TRPM5: variants seen among roughly 807,000 people sequenced by gnomAD.
The protein encoded by TRPM5 is MLSN1 and TRP-related.
Under a neutral mutation model 124.9 loss-of-function variants are expected in TRPM5, and 121 were observed. The observed-to-expected ratio is 0.97, with a 90% confidence interval of 0.84 to 1.13. The LOEUF is 1.13. TRPM5 is among the 50% of genes most tolerant of loss of function. The pLI is 0.00. For missense variants in TRPM5, 1,643 were observed against 1,589.1 expected, an observed-to-expected ratio of 1.03 and a Z score of -0.58; for synonymous variants, 781 against 700.5, an observed-to-expected ratio of 1.11 and a Z score of -1.81.
At chr11:2,441,279 C>T in the TRPM5 span, among the ~76,000 whole-genome samples, 5 of 152,164 alleles carry the variant, frequency 3.3e-5, no homozygotes, top group South Asian at 4.1e-4. This position sits in a 1 kb window ranked among gnomAD's most constrained non-coding sequence, Gnocchi z 7.2. Context: ...TACAACCCTG[C>T]GGTCCTGCTC....
At chr11:2,418,570 G>A (rs1376370260) in exon 5 of TRPM5, 2 of 1,611,760 alleles carry the variant, frequency 1.2e-6, no homozygotes, top group South Asian at 1.1e-5. Context: ...GCAGAGGACA[G>A]GGATCTCGAT....
chr11:2,434,371 TG>T, the TRPM5 span, among the ~76,000 whole-genome samples: 1 of 150,602 alleles, frequency 6.6e-6, no homozygotes, highest in African/African-American at 2.5e-5. Context: ...ACACCGTGTG[TG>T]TCTGTGTGGA....
At position 2,407,114 on chromosome 11, in the gene TRPM5, C is replaced by T; in HGVS notation, c.3118+5G>A. On this transcript the variant is annotated splice_donor_5th_base_variant and intron_variant, in intron 20 of 23. Transcript: ENST00000155858. The stretch of plus-strand genomic sequence containing the variant: ...CCAGGTGCTCCCGCTTGTGCTCGGC[C>T]TCACCCAGGTGCTCCCGCTTGTGCT... 1 of 1,580,258 alleles carries T rather than the reference C, an allele frequency of 6.3e-7. No homozygotes were observed. Among genetic ancestry groups the T allele is most frequent in the Non-Finnish European group, 8.6e-7 (1 of 1,165,658 alleles).
chr11:2,404,862 C>A, exon 24 of TRPM5: 2 of 1,302,680 alleles, frequency 1.5e-6, no homozygotes, highest in South Asian at 1.3e-5. Flanking sequence ...CGCTGGAGGT[C>A]GGCAAAGGTC....
chr11:2,410,258 CCG>C (rs1333432819), intron 18 of TRPM5, among the ~76,000 whole-genome samples: 2 of 152,224 alleles, frequency 1.3e-5, no homozygotes, highest in Non-Finnish European at 1.5e-5. Flanking sequence ...GGCGTCGCCC[CCG>C]CCTGTCCCCG....
chr11:2,432,544 C>A, the TRPM5 span, among the ~76,000 whole-genome samples: 1 of 152,226 alleles, frequency 6.6e-6, no homozygotes, highest in Non-Finnish European at 1.5e-5. Flanking sequence ...AGAGCGTGAG[C>A]CGTCCCTGAC....
the TRPM5 span, among the ~76,000 whole-genome samples, chr11:2,434,662 CTG>C: frequency 2.0e-5 from 3 of 150,588 alleles, no homozygotes; most frequent in Admixed American, 1.3e-4. Flanking sequence ...TGTGTGGAAA[CTG>C]TGAGTGCATG....
chr11:2,437,506 G>C, the TRPM5 span, among the ~76,000 whole-genome samples: 3 of 152,194 alleles, frequency 2.0e-5, no homozygotes, highest in Non-Finnish European at 2.9e-5. This position sits in a 1 kb window ranked among gnomAD's most constrained non-coding sequence, Gnocchi z 5.6. Flanking sequence ...GTCAATGCCG[G>C]TGCTGACTGT....
At chr11:2,406,612 G>A (rs767251623) in intron 21 of TRPM5, 49 bp downstream of exon 26, 77 of 1,547,468 alleles carry the variant, frequency 5.0e-5, no homozygotes, top group Admixed American at 5.9e-5. Context: ...GCACATCCCC[G>A]CTTAAAGACA....
At chr11:2,440,504 G>A in the TRPM5 span, among the ~76,000 whole-genome samples, 1 of 152,046 alleles carries the variant, frequency 6.6e-6, no homozygotes, top group South Asian at 2.1e-4. This position sits in a 1 kb window ranked among gnomAD's most constrained non-coding sequence, Gnocchi z 5.2. Flanking sequence ...TCTGCATTGG[G>A]TGCCTCCTGC....
upstream of TRPM5, among the ~76,000 whole-genome samples, chr11:2,423,422 G>A (rs567478847): frequency 2.0e-5 from 3 of 152,178 alleles, no homozygotes; most frequent in East Asian, 1.9e-4. Context: ...TGGAAACTCC[G>A]AAAGACTCAG....
chr11:2,441,704 T>C, the TRPM5 span, among the ~76,000 whole-genome samples: 1 of 152,042 alleles, frequency 6.6e-6, no homozygotes, highest in African/African-American at 2.4e-5. This position sits in a 1 kb window ranked among gnomAD's most constrained non-coding sequence, Gnocchi z 7.2. Context: ...AATTTTTTTT[T>C]TTTAGATGGA....
At chr11:2,442,939 G>T in the TRPM5 span, among the ~76,000 whole-genome samples, 1 of 152,132 alleles carries the variant, frequency 6.6e-6, no homozygotes, top group Non-Finnish European at 1.5e-5. This position sits in a 1 kb window ranked among gnomAD's most constrained non-coding sequence, Gnocchi z 5.9. Flanking sequence ...CAGTTTTGAT[G>T]TTCTTTATGT....
the TRPM5 span, among the ~76,000 whole-genome samples, chr11:2,428,888 ATGTTGG>A: frequency 6.8e-6 from 1 of 147,380 alleles, no homozygotes; most frequent in African/African-American, 2.5e-5. This position sits in a 1 kb window ranked among gnomAD's most constrained non-coding sequence, Gnocchi z 4.0. Context: ...GGTGGTCATG[ATGTTGG>A]TGGTGTTGGT....
At chr11:2,424,527 T>A (rs1845819759), upstream of TRPM5, among the ~76,000 whole-genome samples, 1 of 152,216 alleles carries the variant, frequency 6.6e-6, no homozygotes, top group Admixed American at 6.5e-5. Context: ...GAGCCCTGAT[T>A]CCCAGGTTCT....
chr11:2,414,077 G>A, exon 12 of TRPM5: 1 of 1,580,388 alleles, frequency 6.3e-7, no homozygotes, highest in Non-Finnish European at 8.6e-7. Context: ...GCCGTCGTGG[G>A]CAAAGAAGGC....
At chr11:2,423,776 G>A (rs541044613), upstream of TRPM5, among the ~76,000 whole-genome samples, 2 of 152,288 alleles carry the variant, frequency 1.3e-5, no homozygotes, top group African/African-American at 4.8e-5. Context: ...CGGTGAGGTC[G>A]GGCATCTCAG....
chr11:2,422,026 G>T, intron 2 of TRPM5, 115 bp downstream of exon 7: 1 of 1,142,190 alleles, frequency 8.8e-7, no homozygotes, highest in East Asian at 2.8e-5. Context: ...GGACAGTCAG[G>T]GGGTCTGGCT....
intron 4 of TRPM5, 27 bp from the exon 10 acceptor site, chr11:2,418,618 G>C (rs1214809253): frequency 6.2e-7 from 1 of 1,602,626 alleles, no homozygotes; most frequent in African/African-American, 1.3e-5. Flanking sequence ...CGTGAGGCCT[G>C]AGGACCCTCC....
Sources: allele counts gnomAD v4.1 joint callset (sites outside exome capture counted in the v4.1 genomes callset), GRCh38; gene constraint gnomAD v4.1.1; non-coding constraint Gnocchi (gnomAD v3.1); transcripts MANE v1.5; gene names NCBI Gene and HGNC (gene_info 2026-07-23, HGNC 2026-07-21).